Variants in NPAS3 observed in about 807,000 individuals in gnomAD.
NPAS3 encodes neuronal PAS domain-containing protein 3.
NPAS3 carries 14 observed loss-of-function variants against 73.1 expected under a neutral mutation model. That is an observed-to-expected ratio of 0.19 (90% confidence interval 0.13 to 0.30). The LOEUF (loss-of-function observed/expected upper bound fraction) is 0.30. Ranked by LOEUF, NPAS3 falls within the 10% of genes least tolerant of loss-of-function variation. NPAS3 has a pLI of 1.00. For missense variants in NPAS3, 1,096 were observed against 1,250.0 expected, an observed-to-expected ratio of 0.88 and a Z score of 1.86; for synonymous variants, 620 against 541.5, an observed-to-expected ratio of 1.14 and a Z score of -2.01.
chr14:33,749,948 A>C (rs1353625154), intron 7 of NPAS3, among the ~76,000 whole-genome samples: 3 of 152,168 alleles, frequency 2.0e-5, no homozygotes, highest in Non-Finnish European at 4.4e-5. Context: ...AGAGCCCAGG[A>C]AACACTTTGG....
chr14:33,055,436 A>G (rs1297009912), intron 1 of NPAS3, among the ~76,000 whole-genome samples: 2 of 152,206 alleles, frequency 1.3e-5, no homozygotes, highest in East Asian at 1.9e-4. Context: ...AGCAAACTCT[A>G]TATAAATTGA....
intron 2 of NPAS3, among the ~76,000 whole-genome samples, chr14:33,069,524 G>A (rs1355196117): frequency 6.6e-6 from 1 of 152,204 alleles, no homozygotes; most frequent in Non-Finnish European, 1.5e-5. Context: ...GGAGACGGAT[G>A]TATTCAAACC....
At chr14:33,426,201 C>T (rs1329374664) in intron 4 of NPAS3, among the ~76,000 whole-genome samples, 1 of 152,022 alleles carries the variant, frequency 6.6e-6, no homozygotes, top group Non-Finnish European at 1.5e-5. Flanking sequence ...GATTCATGAA[C>T]TCAGATTCCA....
chr14:33,559,136 G>A (rs1031541557), intron 4 of NPAS3, among the ~76,000 whole-genome samples: 9 of 152,140 alleles, frequency 5.9e-5, no homozygotes, highest in Non-Finnish European at 1.3e-4. Flanking sequence ...ATGATGTGTA[G>A]CATCCTTTTT....
chr14:33,690,168 G>A (rs1047870293), intron 6 of NPAS3, among the ~76,000 whole-genome samples: 4 of 152,130 alleles, frequency 2.6e-5, no homozygotes, highest in African/African-American at 7.2e-5. Flanking sequence ...ATCAGCTTTC[G>A]TGCGGCGTTC....
At chr14:33,571,928 A>G (rs1567017078) in intron 5 of NPAS3, among the ~76,000 whole-genome samples, 1 of 152,214 alleles carries the variant, frequency 6.6e-6, no homozygotes, top group Non-Finnish European at 1.5e-5. Context: ...CAGTGATGTC[A>G]ATAACTTGAG....
At chr14:33,463,217 A>C (rs991894419) in intron 4 of NPAS3, among the ~76,000 whole-genome samples, 1 of 152,194 alleles carries the variant, frequency 6.6e-6, no homozygotes, top group Non-Finnish European at 1.5e-5. Flanking sequence ...AATAAGAGCC[A>C]AAGCCACTGA....
At chr14:33,197,891 G>T (rs533858302) in intron 2 of NPAS3, among the ~76,000 whole-genome samples, 2 of 152,340 alleles carry the variant, frequency 1.3e-5, no homozygotes, top group East Asian at 3.9e-4. Flanking sequence ...CCCTCGCGGT[G>T]AGTGTTACAG....
chr14:33,043,296 A>G (rs1327720377), intron 1 of NPAS3, among the ~76,000 whole-genome samples: 3 of 151,492 alleles, frequency 2.0e-5, no homozygotes, highest in Admixed American at 6.6e-5. Flanking sequence ...ATGCTATACT[A>G]AACGATAATT....
At chr14:32,935,058 G>T, upstream of NPAS3, 2 of 1,119,880 alleles carry the variant, frequency 1.8e-6, no homozygotes, top group Non-Finnish European at 2.3e-6. Flanking sequence ...TGCTGGGGTG[G>T]GACTCACTTT....
intron 4 of NPAS3, among the ~76,000 whole-genome samples, chr14:33,441,078 T>G (rs1265044350): frequency 6.6e-6 from 1 of 152,242 alleles, no homozygotes; most frequent in East Asian, 1.9e-4. Flanking sequence ...ATAAGTCCAC[T>G]TCAGTGCTGT....
chr14:33,767,864 T>C (rs1302806199), intron 7 of NPAS3, among the ~76,000 whole-genome samples: 1 of 152,132 alleles, frequency 6.6e-6, no homozygotes, highest in Non-Finnish European at 1.5e-5. Context: ...GATGGGCCTG[T>C]TTATAATGAG....
chr14:33,594,123 A>G (rs1484682311), intron 5 of NPAS3, among the ~76,000 whole-genome samples: 1 of 152,166 alleles, frequency 6.6e-6, no homozygotes, highest in Non-Finnish European at 1.5e-5. Context: ...GGATTCCAGG[A>G]CCCTTTCAGA....
At chr14:33,727,192 A>G (rs1252249248) in intron 6 of NPAS3, among the ~76,000 whole-genome samples, 2 of 88,408 alleles carry the variant, frequency 2.3e-5, no homozygotes, top group Non-Finnish European at 2.3e-5. Flanking sequence ...GATACTGGCA[A>G]CCAGCTACCG....
chr14:33,770,244 T>G (rs2062609181), intron 7 of NPAS3, among the ~76,000 whole-genome samples: 1 of 152,164 alleles, frequency 6.6e-6, no homozygotes, highest in Admixed American at 6.5e-5. Flanking sequence ...TGCCAGATAT[T>G]CTCAGGTAGT....
At chr14:33,466,614 ACAGGCCATACAGAAAG>A (rs2050537150) in intron 4 of NPAS3, among the ~76,000 whole-genome samples, 1 of 152,216 alleles carries the variant, frequency 6.6e-6, no homozygotes, top group Non-Finnish European at 1.5e-5. Context: ...TCACAGTGCT[ACAGGCCATACAGAAAG>A]CATAGTAGCT....
chr14:33,750,034 TTAAGGATGG>T (rs1187569276), intron 7 of NPAS3, among the ~76,000 whole-genome samples: 13 of 152,184 alleles, frequency 8.5e-5, no homozygotes, highest in African/African-American at 3.1e-4. Flanking sequence ...AAAAAATTTT[TTAAGGATGG>T]TACTCTGCTA....
intron 4 of NPAS3, among the ~76,000 whole-genome samples, chr14:33,553,300 T>C (rs1184158638): frequency 6.6e-6 from 1 of 152,206 alleles, no homozygotes; most frequent in East Asian, 1.9e-4. Context: ...TGGGTCTCTT[T>C]GTTCTTCTCA....
chr14:33,672,767 G>A (rs2059648230), intron 5 of NPAS3, among the ~76,000 whole-genome samples: 1 of 151,912 alleles, frequency 6.6e-6, no homozygotes, highest in African/African-American at 2.4e-5. Context: ...TAGACAGTTG[G>A]GCTTACAGCC....
Sources: allele counts gnomAD v4.1 joint callset (sites outside exome capture counted in the v4.1 genomes callset), GRCh38; gene constraint gnomAD v4.1.1; transcripts MANE v1.5; gene names NCBI Gene and HGNC (gene_info 2026-07-23, HGNC 2026-07-21).